Variants in NEK6 observed in about 807,000 individuals in gnomAD.
NEK6 encodes serine/threonine-protein kinase Nek6.
A neutral mutation model predicts 43.5 loss-of-function variants in NEK6; 27 were observed. The observed-to-expected ratio is 0.62, with a 90% CI of 0.46 to 0.86. The LOEUF (loss-of-function observed/expected upper bound fraction) is 0.86, where lower values mean the gene tolerates loss of function less well. Ranked by LOEUF, NEK6 falls within the 40% of genes least tolerant of loss-of-function variation. The pLI is 0.00. For synonymous variants in NEK6, 167 were observed against 164.1 expected (o/e 1.02, Z -0.14); for missense variants, 318 against 414.4 (o/e 0.77, Z 2.02).
At chr9:124,301,439 G>A (rs1280404017) in intron 1 of NEK6, among the ~76,000 whole-genome samples, 1 of 152,184 alleles carries the variant, frequency 6.6e-6, no homozygotes, top group Non-Finnish European at 1.5e-5. Context: ...GTGCGCCAGG[G>A]CCCAGCCAGG....
intron 2 of NEK6, among the ~76,000 whole-genome samples, chr9:124,311,152 A>T (rs1347351653): frequency 1.3e-5 from 2 of 152,146 alleles, no homozygotes; most frequent in Non-Finnish European, 2.9e-5. Context: ...AGCAGCTGTC[A>T]GAAGGGCCAG....
intron 2 of NEK6, among the ~76,000 whole-genome samples, chr9:124,309,497 A>G (rs1392083727): frequency 6.6e-6 from 1 of 152,106 alleles, no homozygotes; most frequent in African/African-American, 2.4e-5. Context: ...TGCCTGGGGG[A>G]AACTGAGGCC....
rs144693800 is a variant in NEK6 at position 124,325,781 on chromosome 9, G to C, written c.406-549G>C. On this transcript the variant is annotated intron_variant, in intron 5 of 9. Coordinates refer to ENST00000320246, the MANE Select transcript of NEK6 (RefSeq NM_014397.6). ...TGGAACTGGGGTTCCTTTTGAGTGC[G>C]TCAAGCCCATTTCCTCAAGGTTCTC... Among the ~76,000 whole-genome samples the C allele has an allele frequency of 3.4e-3, 514 of 152,326 alleles. 5 individuals are homozygous for C. Among genetic ancestry groups the C allele is most frequent in the African/African-American group, 0.012 (505 of 41,572 alleles).
chr9:124,292,769 C>T, intron 1 of NEK6: 1 of 1,294,142 alleles, frequency 7.7e-7, no homozygotes, highest in Non-Finnish European at 1.0e-6. Context: ...AACCAGTTAC[C>T]CAGCCTCTCC....
At chr9:124,320,741 C>T (rs1371129267) in intron 4 of NEK6, among the ~76,000 whole-genome samples, 1 of 152,164 alleles carries the variant, frequency 6.6e-6, no homozygotes, top group Non-Finnish European at 1.5e-5. Context: ...ACAGAGGCAG[C>T]GTCTCAGCAT....
rs1004721809 is a variant in NEK6 at position 124,339,578 on chromosome 9, G to A, written c.630G>A (p.Thr210=). 20 of 1,613,354 alleles carry A rather than the reference G, an allele frequency of 1.2e-5. No individual in the cohort carries two copies. The highest frequency in any genetic ancestry group is 9.4e-5 in the African/African-American group (7 of 74,856). Residue 210 remains threonine, a synonymous_variant, in exon 8 of 10, where the codon ACG becomes ACA. Coordinates refer to ENST00000320246, the MANE Select transcript of NEK6 (RefSeq NM_014397.6). ...ETTAAHSLVG[T]PYYMSPERIH... ...CCCCTTGCTGTGTTGCAGTGGGGACGCCCTACTACATGTCACCGGAGAGGA... is the reference window on the plus strand; with the variant it reads ...CCCCTTGCTGTGTTGCAGTGGGGACACCCTACTACATGTCACCGGAGAGGA...
rs1345571616 is a variant in NEK6 at position 124,343,279 on chromosome 9, C to G, written c.717+3614C>G. 7.9e-6 allele frequency among the ~76,000 whole-genome samples: 1 copy of G among 125,992 alleles called. No individual in the cohort carries two copies. The highest frequency in any genetic ancestry group is 1.6e-5 in the Non-Finnish European group (1 of 61,064). The allele number at this position is 125,992 out of a possible 152,430, so 82.7% of individuals were successfully genotyped here. A position where few individuals can be genotyped will look rare whatever the true frequency, so the allele number is the denominator to read the frequency against. On this transcript the variant is annotated intron_variant, in intron 8 of 9. Coordinates refer to ENST00000320246, the MANE Select transcript of NEK6 (RefSeq NM_014397.6). The surrounding 1 kb of genome is among the most constrained non-coding windows in gnomAD (Gnocchi z 5.1). Reference sequence around the variant, plus strand: ...CCGGGGGGTGGTACGGGGGATGGATCGCAGCTGGGGAGGTACCGATCGCAG... The same window carrying G: ...CCGGGGGGTGGTACGGGGGATGGATGGCAGCTGGGGAGGTACCGATCGCAG...
At chr9:124,344,086 G>A (rs1288819973) in intron 8 of NEK6, among the ~76,000 whole-genome samples, 2 of 152,128 alleles carry the variant, frequency 1.3e-5, no homozygotes, top group East Asian at 1.9e-4. Flanking sequence ...CGCGGTCCTC[G>A]GTCCCCGCCT....
chr9:124,305,572 AAAAG>A (rs948035714), intron 2 of NEK6, among the ~76,000 whole-genome samples: 5 of 151,840 alleles, frequency 3.3e-5, no homozygotes, highest in Non-Finnish European at 5.9e-5. Context: ...AAAAAAAAGA[AAAAG>A]AAAAGAAATT....
intron 1 of NEK6, chr9:124,293,038 C>T (rs745928367): frequency 2.4e-5 from 36 of 1,485,358 alleles, no homozygotes; most frequent in Admixed American, 1.8e-4. Flanking sequence ...ATTTCCCAGG[C>T]AGGCAGGGGT....
At chr9:124,291,735 C>T in intron 1 of NEK6, 3 of 800,924 alleles carry the variant, frequency 3.7e-6, no homozygotes, top group South Asian at 1.1e-4. Context: ...AAGGAAAGGA[C>T]CCTTGTCCCT....
At chr9:124,292,770 C>T in intron 1 of NEK6, 1 of 1,295,780 alleles carries the variant, frequency 7.7e-7, no homozygotes, top group East Asian at 2.6e-5. Context: ...ACCAGTTACC[C>T]AGCCTCTCCT....
chr9:124,314,490 G>T (rs1241831583), intron 4 of NEK6, among the ~76,000 whole-genome samples: 1 of 150,822 alleles, frequency 6.6e-6, no homozygotes, highest in Non-Finnish European at 1.5e-5. Context: ...TGGTGGTGGT[G>T]GTGGTGGGTT....
chr9:124,271,570 G>C (rs1831440129), intron 1 of NEK6, among the ~76,000 whole-genome samples: 1 of 152,234 alleles, frequency 6.6e-6, no homozygotes, highest in Non-Finnish European at 1.5e-5. Context: ...GTTAACTGAG[G>C]CTCAGAGAAT....
Position 124,345,262 on chromosome 9 carries a change from G to C in NEK6, c.718-2447G>C, listed in dbSNP as rs540869528. Among the ~76,000 whole-genome samples, 3 of 152,366 alleles carry C rather than the reference G, an allele frequency of 2.0e-5. No homozygotes were observed. In the East Asian group the frequency reaches 5.8e-4, roughly 29 times the overall value. On this transcript the variant is annotated intron_variant, in intron 8 of 9. Transcript: ENST00000320246. ...GTCTGGGTGGTCACTGGTAGAAGGAGATCTCGCCGTCCAGGGTAATCGTTG... is the reference window on the plus strand; with the variant it reads ...GTCTGGGTGGTCACTGGTAGAAGGACATCTCGCCGTCCAGGGTAATCGTTG...
intron 5 of NEK6, among the ~76,000 whole-genome samples, chr9:124,325,809 C>A (rs1308833561): frequency 1.3e-5 from 2 of 152,196 alleles, no homozygotes; most frequent in African/African-American, 4.8e-5. Context: ...AGGTTCTCGC[C>A]GCGTTTGTTA....
At chr9:124,278,598 C>T (rs560387541) in intron 1 of NEK6, among the ~76,000 whole-genome samples, 2 of 152,326 alleles carry the variant, frequency 1.3e-5, no homozygotes, top group African/African-American at 4.8e-5. Context: ...CACCCCCCCA[C>T]CCCTGGCCCA....
At chr9:124,328,610 C>T (rs1053062270) in intron 7 of NEK6, among the ~76,000 whole-genome samples, 3 of 152,374 alleles carry the variant, frequency 2.0e-5, no homozygotes, top group African/African-American at 7.2e-5. Flanking sequence ...CCCAGACCCC[C>T]GAGTGCCTGC....
chr9:124,299,179 C>T (rs1832837865), intron 1 of NEK6, among the ~76,000 whole-genome samples: 1 of 152,214 alleles, frequency 6.6e-6, no homozygotes, highest in African/African-American at 2.4e-5. Flanking sequence ...GCGGGTAAGC[C>T]GATGTGTGCA....
Sources: allele counts gnomAD v4.1 joint callset (sites outside exome capture counted in the v4.1 genomes callset), GRCh38; gene constraint gnomAD v4.1.1; non-coding constraint Gnocchi (gnomAD v3.1); transcripts MANE v1.5; gene names NCBI Gene and HGNC (gene_info 2026-07-23, HGNC 2026-07-21).